The following LINGO2 variants were observed in gnomAD, a reference collection of about 807,000 sequenced individuals.
LINGO2 encodes leucine rich repeat and Ig domain containing 2, also known as leucine-rich repeat and immunoglobulin-like domain-containing nogo receptor-interacting protein 2.
LINGO2 carries 14 observed loss-of-function variants against 30.6 expected under a neutral mutation model. The ratio of observed to expected loss-of-function variants is 0.46; its 90% CI spans 0.30 to 0.72. LINGO2 has a LOEUF of 0.72. LINGO2 is among the 30% of genes least tolerant of loss of function. The pLI, the probability that LINGO2 is intolerant of heterozygous loss-of-function variation, is 0.07. For missense variants in LINGO2, 729 were observed against 751.7 expected, an observed-to-expected ratio of 0.97 and a Z score of 0.35; for synonymous variants, 317 against 288.5, an observed-to-expected ratio of 1.10 and a Z score of -1.00.
chr9:28,355,293 C>G (rs1014849550), intron 3 of LINGO2, among the ~76,000 whole-genome samples: 4 of 47,666 alleles, frequency 8.4e-5, no homozygotes, highest in Non-Finnish European at 8.8e-5. Flanking sequence ...CTCTCTCTCT[C>G]TCTATGTCTC....
chr9:27,946,728 G>T (rs1297938032), downstream of LINGO2, among the ~76,000 whole-genome samples: 2 of 152,094 alleles, frequency 1.3e-5, no homozygotes, highest in Non-Finnish European at 2.9e-5. Context: ...TGCATTGTTT[G>T]ATATAAGGTA....
chr9:28,324,893 G>C (rs1054304180), intron 3 of LINGO2, among the ~76,000 whole-genome samples: 1 of 151,936 alleles, frequency 6.6e-6, no homozygotes, highest in African/African-American at 2.4e-5. Context: ...ATATTGATTT[G>C]CCTCAAATTC....
the LINGO2 span, among the ~76,000 whole-genome samples, chr9:29,149,275 G>A: frequency 6.6e-6 from 1 of 151,770 alleles, no homozygotes; most frequent in Admixed American, 6.6e-5. Flanking sequence ...ATCTGCTTGA[G>A]GCCAGACATT....
intron 1 of LINGO2, among the ~76,000 whole-genome samples, chr9:28,479,910 G>GAT (rs1825877893): frequency 1.2e-4 from 2 of 17,228 alleles, no homozygotes; most frequent in Admixed American, 7.1e-4. Flanking sequence ...TATATACGTA[G>GAT]GTATATATAT....
At chr9:28,766,701 A>C in the LINGO2 span, among the ~76,000 whole-genome samples, 1 of 152,044 alleles carries the variant, frequency 6.6e-6, no homozygotes, top group South Asian at 2.1e-4. Flanking sequence ...GAATGGATCA[A>C]TACACTGTGG....
the LINGO2 span, among the ~76,000 whole-genome samples, chr9:29,037,203 C>T: frequency 6.6e-6 from 1 of 151,756 alleles, no homozygotes; most frequent in African/African-American, 2.4e-5. Flanking sequence ...TTTCCTAACA[C>T]ACTAAGCAGG....
the LINGO2 span, among the ~76,000 whole-genome samples, chr9:28,746,010 A>G: frequency 6.6e-6 from 1 of 152,080 alleles, no homozygotes; most frequent in African/African-American, 2.4e-5. Flanking sequence ...ACAAACTATC[A>G]AAGGAACCAA....
At chr9:28,705,250 T>C in the LINGO2 span, among the ~76,000 whole-genome samples, 1 of 152,024 alleles carries the variant, frequency 6.6e-6, no homozygotes, top group Admixed American at 6.6e-5. Context: ...ACAGATATAA[T>C]GTACTAGGTA....
At chr9:29,142,960 C>A in the LINGO2 span, among the ~76,000 whole-genome samples, 1 of 151,728 alleles carries the variant, frequency 6.6e-6, no homozygotes, top group Non-Finnish European at 1.5e-5. Flanking sequence ...TGGCAAGATA[C>A]AAATTAACAT....
At chr9:28,601,049 T>C (rs1825444561) in intron 1 of LINGO2, among the ~76,000 whole-genome samples, 1 of 152,156 alleles carries the variant, frequency 6.6e-6, no homozygotes, top group Non-Finnish European at 1.5e-5. Flanking sequence ...CTGTTGAGTT[T>C]TGTGGAAAAG....
At chr9:28,904,108 C>T in the LINGO2 span, among the ~76,000 whole-genome samples, 1 of 150,820 alleles carries the variant, frequency 6.6e-6, no homozygotes, top group East Asian at 2.0e-4. Flanking sequence ...AGGATAAAAA[C>T]AATACAATCA....
chr9:28,517,412 C>T (rs949444023), intron 1 of LINGO2, among the ~76,000 whole-genome samples: 4 of 152,162 alleles, frequency 2.6e-5, no homozygotes, highest in Non-Finnish European at 5.9e-5. Context: ...TTTAATCACT[C>T]CTTTCAATCA....
chr9:28,680,782 C>G, the LINGO2 span, among the ~76,000 whole-genome samples: 2 of 152,118 alleles, frequency 1.3e-5, no homozygotes, highest in East Asian at 3.9e-4. Context: ...TGAGAAATGT[C>G]TGTTCAGATC....
At chr9:28,257,073 T>C (rs1453961312) in intron 4 of LINGO2, among the ~76,000 whole-genome samples, 5 of 151,032 alleles carry the variant, frequency 3.3e-5, no homozygotes, top group Non-Finnish European at 7.4e-5. Context: ...TCAATCCCCA[T>C]GGACTTTTAA....
intron 5 of LINGO2, among the ~76,000 whole-genome samples, chr9:28,009,345 G>A (rs1000601338): frequency 9.2e-6 from 1 of 109,106 alleles, no homozygotes; most frequent in African/African-American, 3.5e-5. Flanking sequence ...AGTATCAAAA[G>A]CACAAGTGAT....
chr9:28,642,063 ATGTGTG>A (rs35732736), intron 1 of LINGO2, among the ~76,000 whole-genome samples: 2 of 149,258 alleles, frequency 1.3e-5, no homozygotes, highest in Admixed American at 1.3e-4. Context: ...AATGTTATAT[ATGTGTG>A]TGTGTGTGTG....
chr9:29,051,666 T>C, the LINGO2 span, among the ~76,000 whole-genome samples: 1 of 152,108 alleles, frequency 6.6e-6, no homozygotes, highest in African/African-American at 2.4e-5. Context: ...TGAAAGGCTT[T>C]TCCATAAAGT....
At chr9:29,025,765 T>C in the LINGO2 span, among the ~76,000 whole-genome samples, 1 of 152,132 alleles carries the variant, frequency 6.6e-6, no homozygotes, top group Admixed American at 6.6e-5. Context: ...TCCTCGTGTC[T>C]AGCTGAAATT....
At chr9:28,261,500 C>G (rs1450667691) in intron 4 of LINGO2, among the ~76,000 whole-genome samples, 1 of 151,858 alleles carries the variant, frequency 6.6e-6, no homozygotes, top group Non-Finnish European at 1.5e-5. Context: ...TCACTATAGT[C>G]AAATCTCAAA....
Sources: gnomAD v4.1 joint callset for allele counts (sites outside exome capture counted in the v4.1 genomes callset) on GRCh38, gnomAD v4.1.1 for gene constraint, MANE v1.5 for transcripts, NCBI Gene and HGNC (gene_info 2026-07-23, HGNC 2026-07-21) for gene names.